SCAND3: variants seen among roughly 807,000 people sequenced by gnomAD.
The protein encoded by SCAND3 is SCAN domain-containing protein 3.
chr6:28,611,499 C>T, the SCAND3 span, among the ~76,000 whole-genome samples: 1 of 152,226 alleles, frequency 6.6e-6, no homozygotes, highest in Non-Finnish European at 1.5e-5. Flanking sequence ...CTACTTCCAA[C>T]ACACTTTGAG....
the SCAND3 span, among the ~76,000 whole-genome samples, chr6:28,582,276 C>T: frequency 6.6e-6 from 1 of 152,080 alleles, no homozygotes; most frequent in Non-Finnish European, 1.5e-5. The surrounding 1 kb of genome is among the most constrained non-coding windows in gnomAD (Gnocchi z 4.8). Flanking sequence ...TTAAGCTCAT[C>T]AGCAATCGTT....
the SCAND3 span, chr6:28,586,525 C>G: frequency 6.2e-7 from 1 of 1,614,250 alleles, no homozygotes; most frequent in Non-Finnish European, 8.5e-7. This position sits in a 1 kb window ranked among gnomAD's most constrained non-coding sequence, Gnocchi z 4.4. Context: ...TCCCTGGGCC[C>G]AGGTGTCTCC....
chr6:28,594,841 A>G, the SCAND3 span, among the ~76,000 whole-genome samples: 4 of 152,140 alleles, frequency 2.6e-5, no homozygotes, highest in Admixed American at 2.6e-4. Context: ...TTGAACTCGT[A>G]GAAATAGAGA....
chr6:28,591,424 T>C, the SCAND3 span: 3 of 152,186 alleles, frequency 2.0e-5, no homozygotes, highest in African/African-American at 7.2e-5. Context: ...TTTAGTTAGG[T>C]TCCTCTGAGC....
chr6:28,604,182 C>T, the SCAND3 span, among the ~76,000 whole-genome samples: 1 of 152,284 alleles, frequency 6.6e-6, no homozygotes, highest in South Asian at 2.1e-4. Context: ...AAAGAATTCG[C>T]AGTTGTGTTT....
chr6:28,586,513 C>T, the SCAND3 span: 2 of 1,614,228 alleles, frequency 1.2e-6, no homozygotes, highest in South Asian at 2.2e-5. This position sits in a 1 kb window ranked among gnomAD's most constrained non-coding sequence, Gnocchi z 4.4. Context: ...TGACTCAGAG[C>T]CTCCCTGGGC....
chr6:28,584,340 G>T, the SCAND3 span, among the ~76,000 whole-genome samples: 2 of 151,768 alleles, frequency 1.3e-5, no homozygotes, highest in Admixed American at 6.6e-5. Context: ...AATTTTAAAA[G>T]ACAATTTTTT....
chr6:28,603,369 T>C, the SCAND3 span, among the ~76,000 whole-genome samples: 1 of 152,202 alleles, frequency 6.6e-6, no homozygotes, highest in African/African-American at 2.4e-5. Flanking sequence ...CCAAAATATA[T>C]CTTATTGTTT....
At chr6:28,574,209 C>T in the SCAND3 span, among the ~76,000 whole-genome samples, 2 of 152,068 alleles carry the variant, frequency 1.3e-5, no homozygotes, top group South Asian at 4.1e-4. Context: ...TAAATATTTA[C>T]GCTTAATTTT....
the SCAND3 span, among the ~76,000 whole-genome samples, chr6:28,594,470 T>C: frequency 6.6e-6 from 1 of 152,126 alleles, no homozygotes. Context: ...GCCTGGCCAA[T>C]GGGGTGAAAC....
chr6:28,603,004 CCAGGCTGGAGTG>C, the SCAND3 span, among the ~76,000 whole-genome samples: 5 of 146,524 alleles, frequency 3.4e-5, no homozygotes, highest in Non-Finnish European at 6.0e-5. Context: ...ACTCTGTCGC[CCAGGCTGGAGTG>C]CAGTGGCGCG....
chr6:28,598,637 G>C, the SCAND3 span, among the ~76,000 whole-genome samples: 2 of 151,538 alleles, frequency 1.3e-5, no homozygotes, highest in African/African-American at 2.4e-5. Flanking sequence ...TTGAGGTCAG[G>C]AGTTCGAGAC....
chr6:28,601,950 A>G, the SCAND3 span, among the ~76,000 whole-genome samples: 1 of 150,008 alleles, frequency 6.7e-6, no homozygotes, highest in Middle Eastern at 3.4e-3. Flanking sequence ...CCACCCCTCT[A>G]TGCCCTCCAT....
chr6:28,575,178 G>A, the SCAND3 span: 22 of 1,613,954 alleles, frequency 1.4e-5, no homozygotes, highest in Non-Finnish European at 1.9e-5. The surrounding 1 kb of genome is among the most constrained non-coding windows in gnomAD (Gnocchi z 4.2). Context: ...TTCTGTGATA[G>A]GGCTGATTTT....
At chr6:28,597,213 A>T in the SCAND3 span, among the ~76,000 whole-genome samples, 1 of 152,242 alleles carries the variant, frequency 6.6e-6, no homozygotes, top group Non-Finnish European at 1.5e-5. Context: ...GAAAATTAGC[A>T]GAGGCCAGTT....
At chr6:28,611,104 A>G in the SCAND3 span, among the ~76,000 whole-genome samples, 1 of 152,228 alleles carries the variant, frequency 6.6e-6, no homozygotes, top group African/African-American at 2.4e-5. Context: ...ACCAATGGCT[A>G]TCGTCAAAAT....
At chr6:28,585,944 A>C in the SCAND3 span, among the ~76,000 whole-genome samples, 1 of 152,196 alleles carries the variant, frequency 6.6e-6, no homozygotes, top group Non-Finnish European at 1.5e-5. Flanking sequence ...AATATGCCCA[A>C]GGTTACACAG....
the SCAND3 span, among the ~76,000 whole-genome samples, chr6:28,606,956 A>G: frequency 3.3e-5 from 5 of 152,166 alleles, no homozygotes; most frequent in African/African-American, 1.2e-4. Flanking sequence ...AAAGCGAGAG[A>G]CAACAGATTG....
the SCAND3 span, chr6:28,587,726 A>C: frequency 6.6e-6 from 1 of 151,936 alleles, no homozygotes; most frequent in African/African-American, 2.4e-5. Flanking sequence ...CAGACTTAAA[A>C]AGAAATGTAA....
Sources: gnomAD v4.1 joint callset for allele counts (sites outside exome capture counted in the v4.1 genomes callset) on GRCh38, gnomAD v4.1.1 for gene constraint, Gnocchi (gnomAD v3.1) non-coding constraint, MANE v1.5 for transcripts, NCBI Gene and HGNC (gene_info 2026-07-23, HGNC 2026-07-21) for gene names.